Variants in BCO1 observed in about 807,000 individuals in gnomAD.
BCO1 encodes beta,beta-carotene 15,15'-dioxygenase.
In BCO1, 54 loss-of-function variants were observed where a neutral mutation model predicts 56.3. The ratio of observed to expected loss-of-function variants is 0.96; its 90% CI spans 0.77 to 1.20. BCO1 has a LOEUF of 1.20. Ranked by LOEUF, BCO1 falls within the 50% of genes most tolerant of loss-of-function variation. BCO1 has a pLI of 0.00. For missense variants in BCO1, 801 were observed against 690.9 expected (o/e 1.16, Z -1.79); for synonymous variants, 318 against 266.1 (o/e 1.20, Z -1.90).
chr16:81,252,955 A>T (rs1172750497), intron 2 of BCO1, among the ~76,000 whole-genome samples: 1 of 152,104 alleles, frequency 6.6e-6, no homozygotes, highest in East Asian at 1.9e-4. Flanking sequence ...GTAAAAATAC[A>T]AATATTAGCC....
chr16:81,284,368 C>G (rs988003654), intron 8 of BCO1, among the ~76,000 whole-genome samples: 16 of 151,340 alleles, frequency 1.1e-4, no homozygotes, highest in Non-Finnish European at 2.1e-4. Flanking sequence ...ATGAAAATTT[C>G]ACATAATGAG....
chr16:81,286,539 G>A (rs922614557), intron 9 of BCO1, among the ~76,000 whole-genome samples: 1 of 152,114 alleles, frequency 6.6e-6, no homozygotes, highest in Non-Finnish European at 1.5e-5. Flanking sequence ...AAATTGCAGT[G>A]CAATTTCAAA....
chr16:81,245,692 G>C (rs1905364401), intron 2 of BCO1, 89 bp downstream of exon 2: 1 of 1,545,700 alleles, frequency 6.5e-7, no homozygotes, highest in Middle Eastern at 2.1e-4. Context: ...TTCTTTTAGG[G>C]ATTGGAGGTC....
At chr16:81,283,510 T>C (rs1001155784) in intron 8 of BCO1, among the ~76,000 whole-genome samples, 1 of 151,998 alleles carries the variant, frequency 6.6e-6, no homozygotes, top group Admixed American at 6.5e-5. Context: ...GGCAGGAGAA[T>C]CGCTGGTCTG....
intron 2 of BCO1, among the ~76,000 whole-genome samples, chr16:81,255,936 C>T (rs1429140929): frequency 6.6e-6 from 1 of 151,908 alleles, no homozygotes; most frequent in East Asian, 1.9e-4. Flanking sequence ...AGCAATTGAA[C>T]CTCCCGAGTA....
At chr16:81,244,285 C>T (rs999947308) in intron 1 of BCO1, among the ~76,000 whole-genome samples, 7 of 152,188 alleles carry the variant, frequency 4.6e-5, no homozygotes, top group African/African-American at 1.7e-4. Flanking sequence ...GCCACACGTG[C>T]ACTTTTAAAT....
At chr16:81,278,893 C>CTG (rs1907707922) in intron 7 of BCO1, among the ~76,000 whole-genome samples, 1 of 152,180 alleles carries the variant, frequency 6.6e-6, no homozygotes, top group Admixed American at 6.5e-5. Flanking sequence ...TTCCGAGGAC[C>CTG]CTTGCGGTTC....
At chr16:81,286,114 CT>C (rs1908166881) in intron 9 of BCO1, among the ~76,000 whole-genome samples, 1 of 151,854 alleles carries the variant, frequency 6.6e-6, no homozygotes, top group Non-Finnish European at 1.5e-5. Context: ...TCTTGAATTC[CT>C]AGGTTCAGGG....
intron 2 of BCO1, among the ~76,000 whole-genome samples, chr16:81,258,760 C>G (rs1906301543): frequency 6.6e-6 from 1 of 152,196 alleles, no homozygotes; most frequent in South Asian, 2.1e-4. Flanking sequence ...TTTTGCATTG[C>G]TATAAAGGAA....
intron 2 of BCO1, among the ~76,000 whole-genome samples, chr16:81,246,342 T>C (rs1221000320): frequency 6.6e-6 from 1 of 152,186 alleles, no homozygotes; most frequent in Non-Finnish European, 1.5e-5. Flanking sequence ...ATATGTCAGG[T>C]CACACATTCA....
chr16:81,247,953 A>G (rs1197681616), intron 2 of BCO1, among the ~76,000 whole-genome samples: 1 of 152,212 alleles, frequency 6.6e-6, no homozygotes, highest in Non-Finnish European at 1.5e-5. Context: ...AACTTTGGCC[A>G]AGGTACTGAC....
intron 10 of BCO1, 98 bp from the exon 11 acceptor site, chr16:81,290,250 A>G: frequency 1.0e-6 from 1 of 999,008 alleles, no homozygotes; most frequent in Non-Finnish European, 1.6e-6. Context: ...TTGGTTAGAT[A>G]CATATGTTTA....
chr16:81,275,419 C>A (rs2150632201), intron 7 of BCO1, among the ~76,000 whole-genome samples: 1 of 152,360 alleles, frequency 6.6e-6, no homozygotes, highest in East Asian at 1.9e-4. Flanking sequence ...TGGCAGAGAA[C>A]CTCCAAGGTC....
chr16:81,245,786 C>T (rs896422029), intron 2 of BCO1, among the ~76,000 whole-genome samples, 183 bp downstream of exon 2: 2 of 151,680 alleles, frequency 1.3e-5, no homozygotes, highest in South Asian at 4.2e-4. Context: ...GGAAAAATAT[C>T]CACGTTCTTC....
chr16:81,261,623 G>T (rs751943170), intron 3 of BCO1, among the ~76,000 whole-genome samples: 5 of 152,140 alleles, frequency 3.3e-5, no homozygotes, highest in South Asian at 2.1e-4. Flanking sequence ...ATGGCATTCC[G>T]GCCGACTCAT....
intron 1 of BCO1, among the ~76,000 whole-genome samples, chr16:81,243,075 G>C (rs932896860): frequency 1.1e-4 from 16 of 152,142 alleles, no homozygotes; most frequent in African/African-American, 3.9e-4. Flanking sequence ...TGCCTGCCAG[G>C]GGCTGGGGTA....
At chr16:81,251,331 G>A (rs1431382436) in intron 2 of BCO1, among the ~76,000 whole-genome samples, 1 of 152,130 alleles carries the variant, frequency 6.6e-6, no homozygotes, top group Non-Finnish European at 1.5e-5. Context: ...GGCTGAGGTG[G>A]GAGGATCCCT....
intron 7 of BCO1, among the ~76,000 whole-genome samples, chr16:81,271,828 C>T (rs1907235728): frequency 6.6e-6 from 1 of 152,086 alleles, no homozygotes; most frequent in Non-Finnish European, 1.5e-5. Context: ...CGGCTCATTG[C>T]AACCTCTGCC....
At chr16:81,251,443 C>T (rs1905791136) in intron 2 of BCO1, among the ~76,000 whole-genome samples, 1 of 151,860 alleles carries the variant, frequency 6.6e-6, no homozygotes, top group Non-Finnish European at 1.5e-5. Flanking sequence ...ACCTATAGTC[C>T]CAGCATCTTA....
Sources: gnomAD v4.1 joint callset for allele counts (sites outside exome capture counted in the v4.1 genomes callset) on GRCh38, gnomAD v4.1.1 for gene constraint, MANE v1.5 for transcripts, NCBI Gene and HGNC (gene_info 2026-07-23, HGNC 2026-07-21) for gene names.